The following ASAP1 variants were observed in gnomAD, a reference collection of about 807,000 sequenced individuals.
ASAP1 encodes ArfGAP with SH3 domain, ankyrin repeat and PH domain 1, also known as arf-GAP with SH3 domain, ANK repeat and PH domain-containing protein 1.
A neutral mutation model predicts 145.2 loss-of-function variants in ASAP1; 43 were observed. That is an observed-to-expected ratio of 0.30 (90% CI 0.23 to 0.38). The LOEUF (loss-of-function observed/expected upper bound fraction) is 0.38, where lower values mean the gene tolerates loss of function less well. ASAP1 is among the 10% of genes least tolerant of loss of function. ASAP1 has a pLI of 1.00. For synonymous variants in ASAP1, 546 were observed against 515.5 expected, an observed-to-expected ratio of 1.06 and a Z score of -0.80; for missense variants, 1,018 against 1,355.3, an observed-to-expected ratio of 0.75 and a Z score of 3.91.
intron 1 of ASAP1, among the ~76,000 whole-genome samples, chr8:130,408,813 A>G (rs978828784): frequency 6.6e-6 from 1 of 152,218 alleles, no homozygotes; most frequent in Non-Finnish European, 1.5e-5. Context: ...CAAGTCATAC[A>G]GCTGGTTAGT....
intron 3 of ASAP1, among the ~76,000 whole-genome samples, chr8:130,350,180 C>G (rs1483484193): frequency 6.6e-6 from 1 of 152,190 alleles, no homozygotes; most frequent in Non-Finnish European, 1.5e-5. Flanking sequence ...AGATCCAGTT[C>G]CAAACTTAAG....
intron 3 of ASAP1, among the ~76,000 whole-genome samples, chr8:130,335,302 ATGTAATCCTCAC>A (rs1265318479): frequency 6.6e-6 from 1 of 152,224 alleles, no homozygotes. Context: ...AGATTGCTTC[ATGTAATCCTCAC>A]TGTCATTCAA....
intron 4 of ASAP1, 102 bp from the exon 5 acceptor site, chr8:130,214,803 A>C: frequency 1.0e-6 from 1 of 989,452 alleles, no homozygotes; most frequent in Non-Finnish European, 1.5e-6. Context: ...ATGGAAGCAT[A>C]AACTGTATCA....
chr8:130,369,449 T>G (rs914553283), intron 2 of ASAP1, among the ~76,000 whole-genome samples: 1 of 152,216 alleles, frequency 6.6e-6, no homozygotes, highest in Non-Finnish European at 1.5e-5. Context: ...ACATTTGGGA[T>G]TTTCAGATTG....
intron 1 of ASAP1, among the ~76,000 whole-genome samples, chr8:130,429,007 G>C (rs139213997): frequency 6.6e-6 from 1 of 152,168 alleles, no homozygotes; most frequent in Non-Finnish European, 1.5e-5. Flanking sequence ...GCTTGTGGTG[G>C]TTGCCAGAAA....
In ASAP1 at chr8:130,274,631, T is replaced by A. The variant is rs562679514; in HGVS notation, c.187-37637A>T. Among the ~76,000 whole-genome samples, 21 of 152,340 alleles carry A rather than the reference T, an allele frequency of 1.4e-4. No individual in the cohort carries two copies. In the South Asian group the frequency reaches 3.5e-3, roughly 26 times the overall value. ...ATTGTTGAGGATGTATCTTTGAGAA[T>A]TAATACTGGATGACATAATATTTCA... is the stretch of plus-strand genomic sequence containing the variant. On this transcript the variant is annotated intron_variant, in intron 3 of 29. Transcript: ENST00000518721.
chr8:130,249,202 CTAAATA>C (rs1819045484), intron 3 of ASAP1, among the ~76,000 whole-genome samples: 1 of 152,150 alleles, frequency 6.6e-6, no homozygotes. Flanking sequence ...CAGAGTGTTT[CTAAATA>C]TGTCTAGTCA....
At chr8:130,321,513 G>C (rs1321695134) in intron 3 of ASAP1, among the ~76,000 whole-genome samples, 1 of 152,112 alleles carries the variant, frequency 6.6e-6, no homozygotes, top group Admixed American at 6.6e-5. Flanking sequence ...GTACTTACTA[G>C]ATGGAAATCT....
chr8:130,075,079 G>T (rs2097459314), intron 27 of ASAP1, among the ~76,000 whole-genome samples: 1 of 152,330 alleles, frequency 6.6e-6, no homozygotes, highest in Non-Finnish European at 1.5e-5. Flanking sequence ...TGCTGCTAGA[G>T]AAAGCAGGCT....
intron 27 of ASAP1, 128 bp from the exon 28 acceptor site, chr8:130,061,197 A>AG: frequency 8.6e-7 from 1 of 1,168,452 alleles, no homozygotes; most frequent in Non-Finnish European, 1.2e-6. Context: ...GGATGAACTC[A>AG]GGGGCCAGGC....
At chr8:130,081,996 G>A (rs1346572391) in intron 25 of ASAP1, among the ~76,000 whole-genome samples, 1 of 152,160 alleles carries the variant, frequency 6.6e-6, no homozygotes, top group Non-Finnish European at 1.5e-5. Context: ...CAGGTCACTG[G>A]TAAGGGTCAA....
chr8:130,286,310 T>C (rs1333999115), intron 3 of ASAP1, among the ~76,000 whole-genome samples: 1 of 152,250 alleles, frequency 6.6e-6, no homozygotes, highest in Non-Finnish European at 1.5e-5. Context: ...AAAGTTATTC[T>C]CAATTAACTA....
chr8:130,069,364 T>A (rs2097437153), intron 27 of ASAP1, among the ~76,000 whole-genome samples: 1 of 152,116 alleles, frequency 6.6e-6, no homozygotes, highest in African/African-American at 2.4e-5. Context: ...GCCTCCTGAG[T>A]AGCTGGGACT....
Position 130,060,915 on chromosome 8 carries a change from A to T in ASAP1, c.2856T>A (p.Ile952=). ...CTCCTGGCTTAGGCGGCAAATCTCC[A>T]ATTTGGGGCTTGGGGGCCAGTTCTG... is the stretch of plus-strand genomic sequence containing the variant. ...KPTELAPKPQ[I]GDLPPKPGEL... Residue 952 remains isoleucine (I), a synonymous_variant, in exon 28 of 30, where the codon ATT becomes ATA. Coordinates refer to ENST00000518721, the MANE Select transcript of ASAP1 (RefSeq NM_018482.4). 2 of 1,611,372 alleles carry T rather than the reference A, an allele frequency of 1.2e-6. No homozygotes were observed. The highest frequency in any genetic ancestry group is 1.7e-6 in the Non-Finnish European group (2 of 1,178,386).
chr8:130,435,035 G>A (rs987759454), intron 1 of ASAP1, among the ~76,000 whole-genome samples: 14 of 152,152 alleles, frequency 9.2e-5, no homozygotes, highest in African/African-American at 3.4e-4. Flanking sequence ...TGGAAGGCAC[G>A]CTGTCCCATC....
At chr8:130,336,711 T>C (rs1360419336) in intron 3 of ASAP1, among the ~76,000 whole-genome samples, 1 of 152,176 alleles carries the variant, frequency 6.6e-6, no homozygotes, top group Non-Finnish European at 1.5e-5. Context: ...AAAATACTTT[T>C]TGACAGTCTT....
rs977176064 is a variant in ASAP1, at chr8:130,136,893, G to A, written c.1168+58C>T. ...GGAAAAGCTGCTGACCTGGAGAATGGAAATGTGCAGGTGTCAGAAGCCACA... is the reference window on the plus strand; with the variant it reads ...GGAAAAGCTGCTGACCTGGAGAATGAAAATGTGCAGGTGTCAGAAGCCACA... On this transcript the variant is annotated intron_variant, in intron 14 of 29. Coordinates refer to ENST00000518721, the MANE Select transcript of ASAP1 (RefSeq NM_018482.4). The A allele has an allele frequency of 4.9e-5, 69 of 1,414,074 alleles. No individual in the cohort carries two copies. In the African/African-American group the frequency reaches 9.3e-4, roughly 19 times the overall value. The allele number at this position is 1,414,074 out of a possible 1,614,324, so 87.6% of individuals were successfully genotyped here. A position where few individuals can be genotyped will look rare whatever the true frequency, so the allele number is the denominator to read the frequency against.
At chr8:130,293,921 A>T (rs1292044718) in intron 3 of ASAP1, among the ~76,000 whole-genome samples, 1 of 152,238 alleles carries the variant, frequency 6.6e-6, no homozygotes, top group Non-Finnish European at 1.5e-5. Context: ...ACAATGAATA[A>T]AACAGACTTT....
chr8:130,418,647 C>T (rs1034900429), intron 1 of ASAP1, among the ~76,000 whole-genome samples: 5 of 151,968 alleles, frequency 3.3e-5, no homozygotes, highest in Admixed American at 1.3e-4. Context: ...AATGAAACCC[C>T]GAACCCATAA....
Sources: allele counts gnomAD v4.1 joint callset (sites outside exome capture counted in the v4.1 genomes callset), GRCh38; gene constraint gnomAD v4.1.1; transcripts MANE v1.5; gene names NCBI Gene and HGNC (gene_info 2026-07-23, HGNC 2026-07-21).